MYBL2: variants seen among roughly 807,000 people sequenced by gnomAD.
MYBL2 encodes the protein MYB proto-oncogene like 2.
In MYBL2, 28 loss-of-function variants were observed where a neutral mutation model predicts 79.9. That is an observed-to-expected ratio of 0.35 (90% CI 0.26 to 0.48). The LOEUF (loss-of-function observed/expected upper bound fraction) is 0.48. Ranked by LOEUF, MYBL2 falls within the 20% of genes least tolerant of loss-of-function variation. The pLI is 0.99. For synonymous variants in MYBL2, 378 were observed against 361.2 expected (o/e 1.05, Z -0.53); for missense variants, 735 against 893.9 (o/e 0.82, Z 2.27).
At chr20:43,702,453 A>G (rs751606196) in intron 7 of MYBL2, 37 bp from the exon 8 acceptor site, 1 of 1,551,214 alleles carries the variant, frequency 6.4e-7, no homozygotes, top group East Asian at 2.3e-5. Flanking sequence ...TATTAAGAGC[A>G]TAGTAATTGC....
chr20:43,691,601 A>T (rs549166816), intron 5 of MYBL2, among the ~76,000 whole-genome samples: 1 of 149,524 alleles, frequency 6.7e-6, no homozygotes, highest in African/African-American at 2.5e-5. Flanking sequence ...GTGCAATGGC[A>T]TCATCTTGGC....
intron 11 of MYBL2, 57 bp from the exon 12 acceptor site, chr20:43,712,945 C>T: frequency 3.6e-6 from 5 of 1,369,924 alleles, no homozygotes; most frequent in Non-Finnish European, 5.1e-6. Context: ...CATCCAGGTG[C>T]TGACCATGGG....
At chr20:43,704,518 C>T (rs889932150) in intron 8 of MYBL2, among the ~76,000 whole-genome samples, 42 of 152,122 alleles carry the variant, frequency 2.8e-4, no homozygotes, top group Admixed American at 6.5e-5. Flanking sequence ...GGAGCGTGGT[C>T]GCTCTACTCC....
rs1399629554 is a variant in MYBL2, at chr20:43,710,439, C to T, written c.1605+377C>T. Among the ~76,000 whole-genome samples the T allele has an allele frequency of 2.6e-5, 4 of 152,212 alleles. No homozygotes were observed. The East Asian group carries it at 7.7e-4, about 29-fold the overall frequency. On this transcript the variant is annotated intron_variant, in intron 10 of 13. Coordinates refer to ENST00000217026, the MANE Select transcript of MYBL2 (RefSeq NM_002466.4). ...GCTACTCTGGCCTGTCTCTGACCAA[C>T]TCCCAGTTCTCTACAGAGCACGGGA... is the stretch of plus-strand genomic sequence containing the variant.
chr20:43,716,254 T>G lies in MYBL2; in HGVS notation c.*167T>G. The G allele has an allele frequency of 2.0e-5, 20 of 996,818 alleles. No individual in the cohort carries two copies. The highest frequency in any genetic ancestry group is 9.4e-5 in the East Asian group (3 of 31,896). 61.7% of individuals were successfully genotyped at this position (996,818 alleles called of 1,614,324 possible). A position where few individuals can be genotyped will look rare whatever the true frequency, so the allele number is the denominator to read the frequency against. On this transcript the variant is annotated 3_prime_UTR_variant, in exon 14 of 14. Transcript: ENST00000217026. Reference sequence around the variant, plus strand: ...GCAACAGGGCCATGTGCTGCCCTGTTGCCGAGCCCAGCTGTGGGCGGCTCC... The same window carrying G: ...GCAACAGGGCCATGTGCTGCCCTGTGGCCGAGCCCAGCTGTGGGCGGCTCC...
In MYBL2 at chr20:43,716,128, G is replaced by C. The variant is rs1470683443; in HGVS notation, c.*41G>C. ...ACGAGCCCATTCTCATGTTTACAGG[G>C]GTTGTGGGGGCAGAGGGGGTCTGTG... On this transcript the variant is annotated 3_prime_UTR_variant, in exon 14 of 14. Transcript: ENST00000217026. 1.3e-6 allele frequency: 2 copies of C among 1,597,884 alleles called. No individual in the cohort carries two copies. The highest frequency in any genetic ancestry group is 1.7e-6 in the Non-Finnish European group (2 of 1,178,692).
intron 2 of MYBL2, among the ~76,000 whole-genome samples, chr20:43,678,138 C>G (rs1009953130): frequency 6.6e-6 from 1 of 152,096 alleles, no homozygotes; most frequent in African/African-American, 2.4e-5. Context: ...ACTCCCTAAT[C>G]TCAAGTACCC....
intron 4 of MYBL2, among the ~76,000 whole-genome samples, chr20:43,684,201 G>A (rs531138046): frequency 1.0e-4 from 15 of 149,618 alleles, no homozygotes; most frequent in African/African-American, 3.4e-4. Context: ...TGCTGGGATT[G>A]TAGGTATGAG....
Position 43,671,180 on chromosome 20 carries a change from C to T in MYBL2, c.21-2626C>T, listed in dbSNP as rs927361519. Among the ~76,000 whole-genome samples the T allele has an allele frequency of 1.2e-4, 18 of 151,622 alleles. No homozygotes were observed. In the South Asian group the frequency reaches 1.7e-3, roughly 14 times the overall value. ...ATTTATTTTTTTTGAGATGGAGTCTCGTCTGTCGCCCAGGCTGGAGTGCAG... is the reference window on the plus strand; with the variant it reads ...ATTTATTTTTTTTGAGATGGAGTCTTGTCTGTCGCCCAGGCTGGAGTGCAG... On this transcript the variant is annotated intron_variant, in intron 1 of 13. Transcript: ENST00000217026.
At position 43,705,285 on chromosome 20, in the gene MYBL2, G is replaced by A; in HGVS notation, c.1432G>A (p.Val478Met). 1.9e-6 allele frequency: 3 copies of A among 1,614,122 alleles called. No homozygotes were observed. The highest frequency in any genetic ancestry group is 2.5e-6 in the Non-Finnish European group (3 of 1,180,004). The stretch of plus-strand genomic sequence containing the variant: ...GAGCCCCTCGCTGACATCCACCCCA[G>A]TGTGCAGCCAGAAGGTGGTGGTCAC... ...LESPSLTSTP[V>M]CSQKVVVTTP... is the part of the protein sequence containing the mutation. Residue 478 changes from valine to methionine, a missense_variant, in exon 9 of 14, where the codon GTG becomes ATG. Transcript: ENST00000217026.
In MYBL2 at chr20:43,667,233, T is replaced by C. The variant is rs1986735786; in HGVS notation, c.-51T>C. The C allele has an allele frequency of 9.2e-6, 11 of 1,194,760 alleles. No individual in the cohort carries two copies. The highest frequency in any genetic ancestry group is 1.1e-5 in the Non-Finnish European group (11 of 963,174). 74.0% of individuals were successfully genotyped at this position (1,194,760 alleles called of 1,614,324 possible). A position where few individuals can be genotyped will look rare whatever the true frequency, so the allele number is the denominator to read the frequency against. Reference sequence around the variant, plus strand: ...GTCCTGACCCCGGCCCGGCTCCCGCTCCGGGCTCTGCCGGCGGGCGGGCGA... The same window carrying C: ...GTCCTGACCCCGGCCCGGCTCCCGCCCCGGGCTCTGCCGGCGGGCGGGCGA... On this transcript the variant is annotated 5_prime_UTR_variant, in exon 1 of 14. Transcript: ENST00000217026.
At chr20:43,686,021 G>A (rs1987264696) in intron 4 of MYBL2, among the ~76,000 whole-genome samples, 1 of 151,592 alleles carries the variant, frequency 6.6e-6, no homozygotes, top group Non-Finnish European at 1.5e-5. Context: ...TGGGCAACAA[G>A]AGCAAAACTT....
intron 4 of MYBL2, among the ~76,000 whole-genome samples, chr20:43,684,316 C>T (rs1214666047): frequency 2.6e-5 from 4 of 151,702 alleles, no homozygotes; most frequent in Non-Finnish European, 5.9e-5. Flanking sequence ...TGGCTTACTG[C>T]AACCTTCGCC....
intron 6 of MYBL2, among the ~76,000 whole-genome samples, chr20:43,696,613 C>T (rs1244136869): frequency 6.6e-6 from 1 of 152,304 alleles, no homozygotes; most frequent in African/African-American, 2.4e-5. Context: ...CTCCAACATT[C>T]CTGAATTTGC....
chr20:43,696,530 A>AC (rs1987546183), intron 6 of MYBL2, among the ~76,000 whole-genome samples: 1 of 152,210 alleles, frequency 6.6e-6, no homozygotes, highest in Admixed American at 6.5e-5. Flanking sequence ...TTAAAATTAG[A>AC]CGATGTCTTA....
At chr20:43,691,222 T>A (rs1252115656) in intron 5 of MYBL2, among the ~76,000 whole-genome samples, 4 of 152,218 alleles carry the variant, frequency 2.6e-5, no homozygotes, top group African/African-American at 9.6e-5. Flanking sequence ...ACAGTGTTGC[T>A]TATGGCTTCT....
Position 43,716,142 on chromosome 20 carries a change from A to AG in MYBL2, c.*60dup, listed in dbSNP as rs869281382. ...ATGTTTACAGGGGTTGTGGGGGCAG[A>AG]GGGGGTCTGTGAATCTGAGAGTCAT... On this transcript the variant is annotated 3_prime_UTR_variant, in exon 14 of 14. Transcript: ENST00000217026. The AG allele has an allele frequency of 1.3e-6, 2 of 1,588,846 alleles. No homozygotes were observed. The highest frequency in any genetic ancestry group is 1.7e-4 in the Middle Eastern group (1 of 5,986).
chr20:43,697,404 G>A (rs938331066), intron 6 of MYBL2, among the ~76,000 whole-genome samples: 2 of 151,032 alleles, frequency 1.3e-5, no homozygotes, highest in African/African-American at 4.9e-5. Flanking sequence ...GAGGCTAGGA[G>A]TTTGAGGCCA....
At chr20:43,706,719 G>GTTGTTTTTTTTTTTTT (rs1987791382) in intron 9 of MYBL2, among the ~76,000 whole-genome samples, 1 of 70,780 alleles carries the variant, frequency 1.4e-5, no homozygotes, top group African/African-American at 6.0e-5. Flanking sequence ...AAAAAAAAAA[G>GTTGTTTTTTTTTTTTT]TTTTTTTTTT....
Sources: gnomAD v4.1 joint callset for allele counts (sites outside exome capture counted in the v4.1 genomes callset) on GRCh38, gnomAD v4.1.1 for gene constraint, MANE v1.5 for transcripts, NCBI Gene and HGNC (gene_info 2026-07-23, HGNC 2026-07-21) for gene names.